DLC1: variants seen among roughly 807,000 people sequenced by gnomAD.
DLC1 encodes the protein DLC1 Rho GTPase activating protein.
Under a neutral mutation model 140.3 loss-of-function variants are expected in DLC1, and 54 were observed. The ratio of observed to expected loss-of-function variants is 0.38; its 90% CI spans 0.31 to 0.48. The LOEUF (loss-of-function observed/expected upper bound fraction) is 0.48. Ranked by LOEUF, DLC1 falls within the 20% of genes least tolerant of loss-of-function variation. DLC1 has a pLI of 0.96. For synonymous variants in DLC1, 986 were observed against 728.1 expected, an observed-to-expected ratio of 1.35 and a Z score of -5.70; for missense variants, 2,536 against 1,907.0, an observed-to-expected ratio of 1.33 and a Z score of -6.14.
rs1207299105 is a variant in DLC1 at position 13,566,874 on chromosome 8, G to GAA, written c.-126+37662_-126+37663insTT. On this transcript the variant is annotated intron_variant, in intron 1 of 1. Transcript: ENST00000631382. Reference sequence around the variant, plus strand: ...GCTGGGAAGGCGTCTCCCGGAAGACGACCTCCGCAGAGCTGATGGCATTGA... The same window carrying GAA: ...GCTGGGAAGGCGTCTCCCGGAAGACGAAACCTCCGCAGAGCTGATGGCATTGA... 5 of 1,305,876 alleles carry GAA rather than the reference G, an allele frequency of 3.8e-6. No homozygotes were observed. In the East Asian group the frequency reaches 1.1e-4, roughly 28 times the overall value. The allele number at this position is 1,305,876 out of a possible 1,614,324, so 80.9% of individuals were successfully genotyped here. A position where few individuals can be genotyped will look rare whatever the true frequency, so the allele number is the denominator to read the frequency against.
At chr8:13,451,255 G>C (rs375860) in intron 2 of DLC1, among the ~76,000 whole-genome samples, 1 of 151,652 alleles carries the variant, frequency 6.6e-6, no homozygotes, top group African/African-American at 2.4e-5. Context: ...TACATAGTAG[G>C]TGTATATATT....
chr8:13,459,257 C>T (rs771311594), intron 2 of DLC1, among the ~76,000 whole-genome samples: 1 of 152,048 alleles, frequency 6.6e-6, no homozygotes, highest in Admixed American at 6.6e-5. Context: ...CTTTCCCTCC[C>T]CCTCTTTCAT....
At chr8:13,137,826 G>A (rs1317038340) in intron 5 of DLC1, among the ~76,000 whole-genome samples, 1 of 151,786 alleles carries the variant, frequency 6.6e-6, no homozygotes, top group Non-Finnish European at 1.5e-5. Flanking sequence ...TCGAACTCCT[G>A]ATCTCAGCTG....
At chr8:13,099,221 C>G in intron 9 of DLC1, 126 bp downstream of exon 9, 1 of 1,464,250 alleles carries the variant, frequency 6.8e-7, no homozygotes, top group Non-Finnish European at 9.0e-7. Flanking sequence ...GGTTTGACAC[C>G]TTCCTTAGGA....
chr8:13,562,336 T>A (rs1250768659), intron 1 of DLC1, among the ~76,000 whole-genome samples: 1 of 151,440 alleles, frequency 6.6e-6, no homozygotes, highest in Non-Finnish European at 1.5e-5. Flanking sequence ...AAATAAATAA[T>A]ATTTCCAACA....
chr8:13,416,989 T>C (rs1480422252), intron 2 of DLC1, among the ~76,000 whole-genome samples: 2 of 152,194 alleles, frequency 1.3e-5, no homozygotes, highest in Non-Finnish European at 2.9e-5. Context: ...AGGAATATGA[T>C]TGATTTCAAA....
intron 5 of DLC1, among the ~76,000 whole-genome samples, chr8:13,211,937 C>G (rs1175013532): frequency 6.6e-6 from 1 of 152,092 alleles, no homozygotes; most frequent in Admixed American, 6.6e-5. Flanking sequence ...TAACACAACT[C>G]CTATGTCAAA....
intron 5 of DLC1, among the ~76,000 whole-genome samples, chr8:13,270,414 T>C (rs565404256): frequency 6.6e-6 from 1 of 152,316 alleles, no homozygotes; most frequent in East Asian, 1.9e-4. Flanking sequence ...TTTTTTCCCA[T>C]ACCACAGCTG....
intron 5 of DLC1, among the ~76,000 whole-genome samples, chr8:13,153,847 G>C (rs1011370889): frequency 2.0e-5 from 3 of 152,104 alleles, no homozygotes; most frequent in Admixed American, 6.5e-5. Flanking sequence ...CCTTGAGCTA[G>C]ACACAGAGTG....
chr8:13,100,928 A>T, intron 8 of DLC1, 158 bp from the exon 9 acceptor site: 6 of 677,966 alleles, frequency 8.8e-6, no homozygotes, highest in Non-Finnish European at 1.3e-5. Flanking sequence ...TTTTTTAAAA[A>T]TAGGGTCTCA....
chr8:13,592,062 C>CT (rs1250278198), intron 1 of DLC1, among the ~76,000 whole-genome samples: 1 of 151,978 alleles, frequency 6.6e-6, no homozygotes, highest in African/African-American at 2.4e-5. Flanking sequence ...CTAGGGAAAA[C>CT]CTGTGGATAG....
chr8:13,261,451 A>C (rs988093618), intron 5 of DLC1, among the ~76,000 whole-genome samples: 6 of 152,134 alleles, frequency 3.9e-5, no homozygotes, highest in African/African-American at 1.4e-4. Context: ...GTGTGAGGGA[A>C]AGATATTGGA....
intron 5 of DLC1, among the ~76,000 whole-genome samples, chr8:13,182,719 T>G (rs1302384742): frequency 3.3e-5 from 5 of 152,250 alleles, no homozygotes; most frequent in Non-Finnish European, 5.9e-5. Flanking sequence ...TTTTGGTTAC[T>G]GTAGCCTTGT....
chr8:13,180,165 A>G (rs552345254), intron 5 of DLC1, among the ~76,000 whole-genome samples: 1 of 152,340 alleles, frequency 6.6e-6, no homozygotes, highest in South Asian at 2.1e-4. Context: ...CAAAGGAAGC[A>G]GACTTACTGT....
At position 13,154,823 on chromosome 8, in the gene DLC1, G is replaced by C. The variant is rs145456391; in HGVS notation, c.1349-39166C>G. On this transcript the variant is annotated intron_variant, in intron 5 of 17. Coordinates refer to ENST00000276297, the MANE Select transcript of DLC1 (RefSeq NM_182643.3). ...ATAGATGATCAAGGAAGAAAAAATA[G>C]AAAAACGACTCAATTTTTCACTTAG... 7.3e-4 allele frequency among the ~76,000 whole-genome samples: 109 copies of C among 148,984 alleles called. 1 individual carries two copies. The East Asian group carries it at 0.022, about 30-fold the overall frequency.
At chr8:13,584,392 G>A (rs1170862750) in intron 1 of DLC1, 1 of 152,916 alleles carries the variant, frequency 6.5e-6, no homozygotes. Context: ...TCAGTGGGAA[G>A]CCCAGATTGG....
chr8:13,088,003 C>A lies in DLC1; in HGVS notation c.4292+484G>T, dbSNP rs557324165. ...ACCAAAGAGTTCAGACCATTCTCAG[C>A]GAGGAACACACTGCTAGAATAAATG... On this transcript the variant is annotated intron_variant, in intron 16 of 17. Coordinates refer to ENST00000276297, the MANE Select transcript of DLC1 (RefSeq NM_182643.3). Among the ~76,000 whole-genome samples the A allele has an allele frequency of 1.9e-4, 29 of 152,306 alleles. No individual in the cohort carries two copies. The South Asian group carries it at 5.6e-3, about 29-fold the overall frequency.
intron 1 of DLC1, among the ~76,000 whole-genome samples, chr8:13,560,702 A>G (rs1234066038): frequency 6.6e-6 from 1 of 152,202 alleles, no homozygotes; most frequent in Non-Finnish European, 1.5e-5. Flanking sequence ...GAGTCTTTAA[A>G]GAGAAAATCA....
chr8:13,541,012 A>T (rs879538108), intron 1 of DLC1, among the ~76,000 whole-genome samples: 5 of 152,262 alleles, frequency 3.3e-5, no homozygotes, highest in African/African-American at 4.8e-5. Flanking sequence ...GAACTATTTA[A>T]CCAGCTAATT....
Sources: allele counts gnomAD v4.1 joint callset (sites outside exome capture counted in the v4.1 genomes callset), GRCh38; gene constraint gnomAD v4.1.1; transcripts MANE v1.5; gene names NCBI Gene and HGNC (gene_info 2026-07-23, HGNC 2026-07-21).